The following EDIL3 variants were observed in gnomAD, a reference collection of about 807,000 sequenced individuals.
The protein encoded by EDIL3 is EGF-like repeat and discoidin I-like domain-containing protein 3.
EDIL3 carries 37 observed loss-of-function variants against 67.4 expected under a neutral mutation model. The ratio of observed to expected loss-of-function variants is 0.55; its 90% CI spans 0.42 to 0.72. The LOEUF (loss-of-function observed/expected upper bound fraction) is 0.72. Ranked by LOEUF, EDIL3 falls within the 30% of genes least tolerant of loss-of-function variation. The pLI is 0.00. For synonymous variants in EDIL3, 195 were observed against 196.3 expected, an observed-to-expected ratio of 0.99 and a Z score of 0.05; for missense variants, 527 against 586.3, an observed-to-expected ratio of 0.90 and a Z score of 1.04.
chr5:84,182,757 C>G (rs1003620390), intron 3 of EDIL3, among the ~76,000 whole-genome samples: 1 of 151,902 alleles, frequency 6.6e-6, no homozygotes, highest in Non-Finnish European at 1.5e-5. Flanking sequence ...CGGACCTTGA[C>G]TTCCCGATAG....
chr5:84,249,914 T>C (rs1744989491), intron 2 of EDIL3, among the ~76,000 whole-genome samples: 1 of 152,104 alleles, frequency 6.6e-6, no homozygotes, highest in Admixed American at 6.5e-5. Flanking sequence ...GCCATATATA[T>C]ATATGGAAAG....
chr5:84,356,900 T>G (rs1187989621), intron 1 of EDIL3, among the ~76,000 whole-genome samples: 4 of 143,914 alleles, frequency 2.8e-5, no homozygotes, highest in Non-Finnish European at 6.1e-5. Flanking sequence ...TTTTTTTTTT[T>G]TTTTTTTTTT....
chr5:83,968,642 C>T (rs542876351), intron 9 of EDIL3, among the ~76,000 whole-genome samples: 1 of 152,082 alleles, frequency 6.6e-6, no homozygotes, highest in South Asian at 2.1e-4. Flanking sequence ...TCCAAATATA[C>T]AGGCATCATC....
chr5:84,224,171 C>T (rs1445751570), intron 3 of EDIL3, among the ~76,000 whole-genome samples: 6 of 151,456 alleles, frequency 4.0e-5, no homozygotes, highest in Non-Finnish European at 7.4e-5. Flanking sequence ...TGTATAGCTG[C>T]AAGATCTCTA....
chr5:84,372,260 G>C (rs921133723), intron 1 of EDIL3, among the ~76,000 whole-genome samples: 1 of 151,996 alleles, frequency 6.6e-6, no homozygotes, highest in African/African-American at 2.4e-5. Flanking sequence ...TACGACTTCA[G>C]CATGTCAGAA....
chr5:83,984,951 CCACACACA>C lies in EDIL3; in HGVS notation c.1138-21599_1138-21592del, dbSNP rs6149090. 4.1e-3 allele frequency among the ~76,000 whole-genome samples: 610 copies of C among 149,762 alleles called. 3 individuals are homozygous for C. The highest frequency in any genetic ancestry group is 0.012 in the African/African-American group (477 of 40,826). On this transcript the variant is annotated intron_variant, in intron 9 of 10. Coordinates refer to ENST00000296591, the MANE Select transcript of EDIL3 (RefSeq NM_005711.5). ...GCACACACACGTATGCAAACATACA[CCACACACA>C]CACACACACACACACACACCCCATA...
chr5:84,269,560 T>C (rs936745164), intron 1 of EDIL3, among the ~76,000 whole-genome samples: 4 of 152,142 alleles, frequency 2.6e-5, no homozygotes, highest in Non-Finnish European at 1.5e-5. Flanking sequence ...GTAAGCAATA[T>C]GTTCATATGA....
chr5:84,031,900 C>T (rs1401642602), intron 9 of EDIL3, among the ~76,000 whole-genome samples: 1 of 152,024 alleles, frequency 6.6e-6, no homozygotes, highest in Middle Eastern at 3.2e-3. Context: ...GATATGTTAC[C>T]ACAGAATCTC....
chr5:84,102,605 T>TAAAAC (rs960119436), intron 6 of EDIL3, among the ~76,000 whole-genome samples: 42 of 147,042 alleles, frequency 2.9e-4, no homozygotes, highest in African/African-American at 7.0e-4. Flanking sequence ...CTACAATTGC[T>TAAAAC]AAAACAAAAC....
intron 9 of EDIL3, among the ~76,000 whole-genome samples, chr5:83,976,462 T>A (rs1194868135): frequency 5.9e-5 from 9 of 151,928 alleles, no homozygotes; most frequent in Non-Finnish European, 4.4e-5. Context: ...ACACTGAGAA[T>A]GCTTTTTGCC....
intron 9 of EDIL3, among the ~76,000 whole-genome samples, chr5:84,046,292 A>G (rs1746223199): frequency 6.6e-6 from 1 of 152,186 alleles, no homozygotes; most frequent in Non-Finnish European, 1.5e-5. Flanking sequence ...ACCCACCAGG[A>G]GCTCTTATTC....
At chr5:84,206,996 T>C (rs866605808) in intron 3 of EDIL3, among the ~76,000 whole-genome samples, 1 of 152,280 alleles carries the variant, frequency 6.6e-6, no homozygotes, top group African/African-American at 2.4e-5. Flanking sequence ...AAGACAGGGA[T>C]GCCCTCTCTC....
intron 4 of EDIL3, among the ~76,000 whole-genome samples, chr5:84,160,304 T>G (rs1046888391): frequency 6.6e-6 from 1 of 152,070 alleles, no homozygotes; most frequent in African/African-American, 2.4e-5. Flanking sequence ...TTTTCTGGGG[T>G]GTATACATCA....
At chr5:84,364,202 T>G (rs990529144) in intron 1 of EDIL3, among the ~76,000 whole-genome samples, 3 of 152,200 alleles carry the variant, frequency 2.0e-5, no homozygotes, top group Admixed American at 6.5e-5. Flanking sequence ...TCATTTCCTG[T>G]GTATTGCTTC....
intron 1 of EDIL3, among the ~76,000 whole-genome samples, chr5:84,376,135 C>T (rs1747961375): frequency 6.6e-6 from 1 of 152,096 alleles, no homozygotes; most frequent in Non-Finnish European, 1.5e-5. Flanking sequence ...CTCTATATCT[C>T]CATTTTCTCA....
chr5:83,968,140 A>G (rs1331014258), intron 9 of EDIL3, among the ~76,000 whole-genome samples: 1 of 152,104 alleles, frequency 6.6e-6, no homozygotes, highest in Non-Finnish European at 1.5e-5. Context: ...AATTAATGGT[A>G]CTTGGTATTT....
chr5:84,134,564 C>T (rs748968648), intron 5 of EDIL3, among the ~76,000 whole-genome samples: 1 of 152,122 alleles, frequency 6.6e-6, no homozygotes, highest in Non-Finnish European at 1.5e-5. Flanking sequence ...CCACAGTAAG[C>T]AAATTCTCTA....
At chr5:84,262,635 A>C (rs1745249303) in intron 1 of EDIL3, among the ~76,000 whole-genome samples, 1 of 138,246 alleles carries the variant, frequency 7.2e-6, no homozygotes, top group African/African-American at 2.6e-5. Flanking sequence ...TTCAACCATA[A>C]ACTACAATTC....
chr5:84,325,021 C>T (rs1334218637), intron 1 of EDIL3, among the ~76,000 whole-genome samples: 1 of 151,538 alleles, frequency 6.6e-6, no homozygotes, highest in Non-Finnish European at 1.5e-5. Context: ...TCCAAAAAAT[C>T]GAAGAGGAAG....
Sources: allele counts gnomAD v4.1 joint callset (sites outside exome capture counted in the v4.1 genomes callset), GRCh38; gene constraint gnomAD v4.1.1; transcripts MANE v1.5; gene names NCBI Gene and HGNC (gene_info 2026-07-23, HGNC 2026-07-21).